KATNIP: variants seen among roughly 807,000 people sequenced by gnomAD.
The protein encoded by KATNIP is katanin interacting protein.
Under a neutral mutation model 174.0 loss-of-function variants are expected in KATNIP, and 126 were observed. That is an observed-to-expected ratio of 0.72 (90% CI 0.63 to 0.84). KATNIP has a LOEUF of 0.84. Among genes scored for constraint, KATNIP ranks in the 40% least tolerant of loss-of-function variants. KATNIP has a pLI of 0.00. For synonymous variants in KATNIP, 810 were observed against 835.7 expected (o/e 0.97, Z 0.53); for missense variants, 1,958 against 2,109.7 (o/e 0.93, Z 1.41).
chr16:27,691,875 C>T (rs990083520), intron 8 of KATNIP, among the ~76,000 whole-genome samples: 1 of 152,190 alleles, frequency 6.6e-6, no homozygotes, highest in Non-Finnish European at 1.5e-5. Context: ...GCCTTTGTGA[C>T]TCTCCTTGTC....
intron 6 of KATNIP, among the ~76,000 whole-genome samples, chr16:27,650,996 G>T (rs979746237): frequency 2.6e-5 from 4 of 152,170 alleles, no homozygotes; most frequent in Non-Finnish European, 1.5e-5. Flanking sequence ...TCTTAATTGG[G>T]AGGCTGGTTT....
chr16:27,762,933 C>CAT (rs1269672625), intron 19 of KATNIP, among the ~76,000 whole-genome samples: 1 of 152,184 alleles, frequency 6.6e-6, no homozygotes, highest in Non-Finnish European at 1.5e-5. Flanking sequence ...AAATCCCAGG[C>CAT]CTGATAGCAT....
chr16:27,698,617 C>G, intron 9 of KATNIP, 117 bp downstream of exon 9: 1 of 993,840 alleles, frequency 1.0e-6, no homozygotes, highest in Non-Finnish European at 1.4e-6. Flanking sequence ...ATCGCTGACC[C>G]CAGACTCATC....
intron 17 of KATNIP, among the ~76,000 whole-genome samples, chr16:27,753,195 G>C (rs1228853765): frequency 1.1e-4 from 17 of 152,006 alleles, no homozygotes; most frequent in Non-Finnish European, 2.5e-4. Context: ...ATTGTTGCCA[G>C]TTCTCCTGAT....
At chr16:27,760,547 G>A (rs766815469) in intron 18 of KATNIP, among the ~76,000 whole-genome samples, 3 of 152,182 alleles carry the variant, frequency 2.0e-5, no homozygotes, top group Non-Finnish European at 2.9e-5. Flanking sequence ...CTGAGCCCAC[G>A]TGAATGTTTG....
At chr16:27,643,590 C>CAAAAAAA (rs562253355) in intron 5 of KATNIP, among the ~76,000 whole-genome samples, 11 of 40,480 alleles carry the variant, frequency 2.7e-4, no homozygotes, top group Non-Finnish European at 4.0e-4. Context: ...GACTCTGTCT[C>CAAAAAAA]AAAAAAAAAA....
At position 27,761,535 on chromosome 16, in the gene KATNIP, C is replaced by T. The variant is rs2081955721; in HGVS notation, c.3754C>T (p.Pro1252Ser). 6.2e-7 allele frequency: 1 copy of T among 1,614,074 alleles called. No homozygotes were observed. The highest frequency in any genetic ancestry group is 1.6e-4 in the Middle Eastern group (1 of 6,062). ...CCACCTGCACCAGATCTCTGCTTCCCCCAGAGACTTAAATGAGCTCCCCGA... is the reference window on the plus strand; with the variant it reads ...CCACCTGCACCAGATCTCTGCTTCCTCCAGAGACTTAAATGAGCTCCCCGA... Reference protein sequence around the residue: ...PIHLHQISASPRDLNELPEYS... With the variant: ...PIHLHQISASSRDLNELPEYS... Residue 1252 changes from proline (P) to serine (S), a missense_variant, in exon 19 of 28, where the codon CCC (proline) becomes TCC (serine). By Grantham distance (74) the Pro-to-Ser change is moderately conservative. Coordinates refer to ENST00000261588, the MANE Select transcript of KATNIP (RefSeq NM_015202.5).
At chr16:27,690,360 AGATG>A (rs754255459) in intron 8 of KATNIP, among the ~76,000 whole-genome samples, 89 of 101,882 alleles carry the variant, frequency 8.7e-4, no homozygotes, top group African/African-American at 3.1e-3. Flanking sequence ...ATAGATAGAT[AGATG>A]ATAGATAGAT....
At chr16:27,678,414 C>G (rs2078203492) in intron 7 of KATNIP, among the ~76,000 whole-genome samples, 1 of 152,002 alleles carries the variant, frequency 6.6e-6, no homozygotes, top group African/African-American at 2.4e-5. Flanking sequence ...CCCATCTCCC[C>G]TCTTCCCTCT....
At chr16:27,586,343 C>T (rs1277268528) in intron 2 of KATNIP, among the ~76,000 whole-genome samples, 2 of 152,046 alleles carry the variant, frequency 1.3e-5, no homozygotes, top group Admixed American at 6.6e-5. Context: ...TGTGGTGGCT[C>T]ATGCTTGCAA....
At chr16:27,627,985 G>T (rs1016848308) in intron 3 of KATNIP, among the ~76,000 whole-genome samples, 1 of 152,146 alleles carries the variant, frequency 6.6e-6, no homozygotes, top group Non-Finnish European at 1.5e-5. Context: ...GCTAAATTAG[G>T]GACCTGGCAA....
At chr16:27,730,323 T>G (rs1325615672) in intron 14 of KATNIP, among the ~76,000 whole-genome samples, 2 of 152,230 alleles carry the variant, frequency 1.3e-5, no homozygotes, top group African/African-American at 4.8e-5. Context: ...TGAATTTTTT[T>G]GCTTTTTTTT....
chr16:27,733,568 C>G (rs974146164), intron 14 of KATNIP, among the ~76,000 whole-genome samples: 2 of 92,610 alleles, frequency 2.2e-5, no homozygotes, highest in Admixed American at 1.1e-4. Context: ...AAGAAGGACA[C>G]ACACACACAC....
At chr16:27,722,035 C>A (rs12102774) in intron 14 of KATNIP, among the ~76,000 whole-genome samples, 1 of 152,060 alleles carries the variant, frequency 6.6e-6, no homozygotes, top group Admixed American at 6.5e-5. Context: ...AGAATGTGAA[C>A]GCCTGCATTT....
At chr16:27,759,545 T>A (rs2081874004) in intron 18 of KATNIP, among the ~76,000 whole-genome samples, 1 of 152,226 alleles carries the variant, frequency 6.6e-6, no homozygotes, top group Non-Finnish European at 1.5e-5. Flanking sequence ...CCAGCTTGGT[T>A]GGCCTCTACT....
At chr16:27,655,821 A>G (rs2077262920) in intron 6 of KATNIP, among the ~76,000 whole-genome samples, 1 of 152,116 alleles carries the variant, frequency 6.6e-6, no homozygotes, top group African/African-American at 2.4e-5. Flanking sequence ...TGTTCCTTAC[A>G]ATTCACAGTC....
At chr16:27,629,928 G>C in intron 4 of KATNIP, among the ~76,000 whole-genome samples, 1 of 152,214 alleles carries the variant, frequency 6.6e-6, no homozygotes, top group Admixed American at 6.5e-5. Context: ...CAGGAGGACT[G>C]ACTGGGCCCG....
At position 27,621,691 on chromosome 16, in the gene KATNIP, T is replaced by A. The variant is rs542649669; in HGVS notation, c.140+3190T>A. On this transcript the variant is annotated intron_variant, in intron 3 of 27. Coordinates refer to ENST00000261588, the MANE Select transcript of KATNIP (RefSeq NM_015202.5). ...CAGGAAGCATGGTGCCGCCATCTGC[T>A]TGGCTTCTGGGGAGGCCTCAGGGAG... Among the ~76,000 whole-genome samples the A allele has an allele frequency of 2.6e-5, 4 of 151,648 alleles. No homozygotes were observed. The South Asian group carries it at 8.3e-4, about 32-fold the overall frequency.
intron 13 of KATNIP, among the ~76,000 whole-genome samples, chr16:27,720,777 G>C (rs1430313211): frequency 6.6e-6 from 1 of 152,152 alleles, no homozygotes; most frequent in Non-Finnish European, 1.5e-5. Flanking sequence ...AAGGCACTGG[G>C]TCGAGCCAGC....
Sources: allele counts gnomAD v4.1 joint callset (sites outside exome capture counted in the v4.1 genomes callset), GRCh38; gene constraint gnomAD v4.1.1; transcripts MANE v1.5; gene names NCBI Gene and HGNC (gene_info 2026-07-23, HGNC 2026-07-21).